The following LRRN1 variants were observed in gnomAD, a reference collection of about 807,000 sequenced individuals.
The protein encoded by LRRN1 is leucine rich repeat neuronal 1.
A neutral mutation model predicts 45.8 loss-of-function variants in LRRN1; 14 were observed. The ratio of observed to expected loss-of-function variants is 0.31; its 90% confidence interval spans 0.20 to 0.48. The LOEUF (loss-of-function observed/expected upper bound fraction) is 0.48. LRRN1 is among the 20% of genes least tolerant of loss of function. LRRN1 has a pLI of 0.99. For synonymous variants in LRRN1, 359 were observed against 330.1 expected (o/e 1.09, Z -0.95); for missense variants, 789 against 874.2 (o/e 0.90, Z 1.23).
intron 1 of LRRN1, among the ~76,000 whole-genome samples, chr3:3,814,825 A>G (rs902766366): frequency 4.6e-5 from 7 of 152,172 alleles, no homozygotes; most frequent in Non-Finnish European, 1.0e-4. Flanking sequence ...CAGACACCAC[A>G]TCTCCTGGTA....
chr3:3,818,893 G>A (rs2106457216), intron 1 of LRRN1, among the ~76,000 whole-genome samples: 1 of 152,284 alleles, frequency 6.6e-6, no homozygotes, highest in East Asian at 1.9e-4. Context: ...ACAATGGGGA[G>A]AAGTAGGGTA....
rs1171089889 is a variant in LRRN1 at position 3,848,056 on chromosome 3, G to C, written c.*1264G>C. On this transcript the variant is annotated 3_prime_UTR_variant, in exon 2 of 2. Transcript: ENST00000319331. Reference sequence around the variant, plus strand: ...TGTTAAAACCTGATTTTCTTTTGTAGTATCCACATTCTTCATCAAAGTACA... The same window carrying C: ...TGTTAAAACCTGATTTTCTTTTGTACTATCCACATTCTTCATCAAAGTACA... Among the ~76,000 whole-genome samples, 1 of 152,004 alleles carries C rather than the reference G, an allele frequency of 6.6e-6. No individual in the cohort carries two copies. The highest frequency in any genetic ancestry group is 1.5e-5 in the Non-Finnish European group (1 of 68,008).
chr3:3,826,953 A>G (rs1161631644), intron 1 of LRRN1, among the ~76,000 whole-genome samples: 1 of 152,092 alleles, frequency 6.6e-6, no homozygotes, highest in East Asian at 1.9e-4. Context: ...TAAGGTACAG[A>G]ACTTGTACTG....
chr3:3,833,329 C>T (rs1303598222), intron 1 of LRRN1, among the ~76,000 whole-genome samples: 4 of 152,194 alleles, frequency 2.6e-5, no homozygotes, highest in Non-Finnish European at 5.9e-5. Context: ...TTAATCCATA[C>T]TTCAGCTAAC....
At position 3,848,644 on chromosome 3, in the gene LRRN1, A is replaced by G. The variant is rs1693827693; in HGVS notation, c.*1852A>G. Among the ~76,000 whole-genome samples, 1 of 152,214 alleles carries G rather than the reference A, an allele frequency of 6.6e-6. No individual in the cohort carries two copies. Among genetic ancestry groups the G allele is most frequent in the Non-Finnish European group, 1.5e-5 (1 of 68,034 alleles). On this transcript the variant is annotated 3_prime_UTR_variant, in exon 2 of 2. Coordinates refer to ENST00000319331, the MANE Select transcript of LRRN1 (RefSeq NM_020873.7). ...TCAGATCTTGAAACAAATGAGCTGC[A>G]ACAGAAAAATAAGTACCTGAGCTCG...
At chr3:3,825,671 A>G (rs1236921277) in intron 1 of LRRN1, among the ~76,000 whole-genome samples, 2 of 152,124 alleles carry the variant, frequency 1.3e-5, no homozygotes, top group African/African-American at 4.8e-5. Context: ...TAACTGGGTC[A>G]ATTTGGATCA....
intron 1 of LRRN1, among the ~76,000 whole-genome samples, chr3:3,806,754 G>A (rs1159884672): frequency 6.6e-6 from 1 of 152,222 alleles, no homozygotes; most frequent in African/African-American, 2.4e-5. Flanking sequence ...AACATCCTGA[G>A]AAACCAAATG....
chr3:3,812,956 T>C (rs376893803), intron 1 of LRRN1, among the ~76,000 whole-genome samples: 7 of 152,362 alleles, frequency 4.6e-5, no homozygotes, highest in African/African-American at 1.7e-4. Context: ...ATAACCTTTT[T>C]CTCCCTGTAC....
intron 1 of LRRN1, among the ~76,000 whole-genome samples, chr3:3,813,126 A>C (rs1229137029): frequency 6.6e-6 from 1 of 152,168 alleles, no homozygotes; most frequent in Non-Finnish European, 1.5e-5. Context: ...CTCGTTCATG[A>C]ACTCATTGTG....
At chr3:3,834,525 G>GATAGATATATATATATATATATATAT (rs1553563064) in intron 1 of LRRN1, among the ~76,000 whole-genome samples, 2 of 27,310 alleles carry the variant, frequency 7.3e-5, no homozygotes, top group Non-Finnish European at 2.0e-4. Flanking sequence ...GACAGAACAG[G>GATAGATATATATATATATATATATAT]ATATATATAT....
chr3:3,819,985 C>T (rs918998333), intron 1 of LRRN1, among the ~76,000 whole-genome samples: 3 of 152,136 alleles, frequency 2.0e-5, no homozygotes, highest in African/African-American at 4.8e-5. Flanking sequence ...CTGTTGACTC[C>T]GAAGCCTATG....
chr3:3,813,874 C>T (rs1481886032), intron 1 of LRRN1, among the ~76,000 whole-genome samples: 1 of 152,078 alleles, frequency 6.6e-6, no homozygotes, highest in Non-Finnish European at 1.5e-5. Flanking sequence ...TTCCCACCCT[C>T]TTCTAATCAT....
intron 1 of LRRN1, among the ~76,000 whole-genome samples, chr3:3,821,599 A>T (rs1205460340): frequency 6.6e-6 from 1 of 152,144 alleles, no homozygotes; most frequent in Non-Finnish European, 1.5e-5. Context: ...GTGTGATTCA[A>T]TTTGCACCAT....
At chr3:3,808,434 G>A (rs1441647041) in intron 1 of LRRN1, among the ~76,000 whole-genome samples, 1 of 152,200 alleles carries the variant, frequency 6.6e-6, no homozygotes, top group Non-Finnish European at 1.5e-5. Flanking sequence ...TAGTGTGTAT[G>A]TAATAAATAT....
At position 3,845,425 on chromosome 3, in the gene LRRN1, G is replaced by A; in HGVS notation, c.784G>A (p.Val262Ile). Residue 262 changes from valine (V) to isoleucine (I), a missense_variant, in exon 2 of 2, where the codon GTT (valine) becomes ATT (isoleucine). Physicochemically the swap from Val to Ile is conservative, Grantham distance 29 (BLOSUM62 3). Transcript: ENST00000319331. The surrounding 1 kb of genome is among the most constrained non-coding windows in gnomAD (Gnocchi z 6.5). The stretch of plus-strand genomic sequence containing the variant: ...AGTCCCTCAACTTGCCCTGCAAAAA[G>A]TTCCAAATTTGAAATTCTTAGACCT... ...VKVPQLALQK[V>I]PNLKFLDLNK... is the part of the protein sequence containing the mutation. 6.2e-7 allele frequency: 1 copy of A among 1,614,096 alleles called. No homozygotes were observed. The highest frequency in any genetic ancestry group is 8.5e-7 in the Non-Finnish European group (1 of 1,179,988).
intron 1 of LRRN1, among the ~76,000 whole-genome samples, chr3:3,822,155 A>G (rs1362366960): frequency 6.6e-6 from 1 of 152,198 alleles, no homozygotes; most frequent in Admixed American, 6.5e-5. Context: ...CATCACCCAT[A>G]AAAATAGGAA....
chr3:3,823,584 A>G (rs1011624865), intron 1 of LRRN1, among the ~76,000 whole-genome samples: 4 of 152,074 alleles, frequency 2.6e-5, no homozygotes, highest in Non-Finnish European at 4.4e-5. Context: ...TCCTGCTATG[A>G]TCCACTGCTC....
chr3:3,813,078 G>A (rs1360105479), intron 1 of LRRN1, among the ~76,000 whole-genome samples: 1 of 152,094 alleles, frequency 6.6e-6, no homozygotes, highest in Non-Finnish European at 1.5e-5. Context: ...GGTGATAGCC[G>A]AAACATTTCT....
intron 1 of LRRN1, among the ~76,000 whole-genome samples, chr3:3,818,816 T>C (rs987660955): frequency 1.3e-5 from 2 of 152,276 alleles, no homozygotes; most frequent in South Asian, 4.1e-4. Context: ...TGTCTCCCTA[T>C]CTGTAGGATA....
Sources: allele counts gnomAD v4.1 joint callset (sites outside exome capture counted in the v4.1 genomes callset), GRCh38; gene constraint gnomAD v4.1.1; non-coding constraint Gnocchi (gnomAD v3.1); transcripts MANE v1.5; gene names NCBI Gene and HGNC (gene_info 2026-07-23, HGNC 2026-07-21).